ZNF567: variants seen among roughly 807,000 people sequenced by gnomAD.
The protein encoded by ZNF567 is zinc finger protein 567.
Under a neutral mutation model 53.9 loss-of-function variants are expected in ZNF567, and 36 were observed. The observed-to-expected ratio is 0.67, with a 90% CI of 0.51 to 0.88. The LOEUF (loss-of-function observed/expected upper bound fraction) is 0.88. Ranked by LOEUF, ZNF567 falls within the 40% of genes least tolerant of loss-of-function variation. The pLI, the probability that ZNF567 is intolerant of heterozygous loss-of-function variation, is 0.00. For synonymous variants in ZNF567, 224 were observed against 260.4 expected, an observed-to-expected ratio of 0.86 and a Z score of 1.35; for missense variants, 619 against 764.7, an observed-to-expected ratio of 0.81 and a Z score of 2.25.
At chr19:36,699,724 G>T (rs943380959) in intron 3 of ZNF567, among the ~76,000 whole-genome samples, 2 of 152,036 alleles carry the variant, frequency 1.3e-5, no homozygotes, top group Non-Finnish European at 2.9e-5. Context: ...CTCTCTGTTT[G>T]TCTGTTATTG....
chr19:36,727,012 T>TTTCTTTCTTTCTTTCTTTCTTTC (rs1555809313), downstream of ZNF567: 1 of 125,616 alleles, frequency 8.0e-6, no homozygotes. Flanking sequence ...CTTTCTTTCC[T>TTTCTTTCTTTCTTTCTTTCTTTC]TTTTTTTTTT....
the ZNF567 span, among the ~76,000 whole-genome samples, chr19:36,671,847 A>G: frequency 6.6e-6 from 1 of 152,240 alleles, no homozygotes; most frequent in Non-Finnish European, 1.5e-5. Context: ...CATTAAATTG[A>G]GTGTACACAG....
upstream of ZNF567, chr19:36,687,298 C>A: frequency 6.5e-6 from 1 of 153,854 alleles, no homozygotes; most frequent in Non-Finnish European, 1.4e-5. Flanking sequence ...CGCACACCGC[C>A]GCCTTGTCCT....
At chr19:36,726,322 T>C (rs1013399407), downstream of ZNF567, among the ~76,000 whole-genome samples, 1 of 152,246 alleles carries the variant, frequency 6.6e-6, no homozygotes, top group Non-Finnish European at 1.5e-5. Context: ...AATTATTGAA[T>C]TTCCATTGAA....
At chr19:36,712,632 ATGAT>A (rs1722433358) in intron 4 of ZNF567, 120 bp downstream of exon 4, 24 of 1,474,316 alleles carry the variant, frequency 1.6e-5, no homozygotes, top group Admixed American at 3.6e-5. Flanking sequence ...AGCAGAATGA[ATGAT>A]TGTGTCTTCA....
chr19:36,695,161 T>C (rs1251826216), intron 3 of ZNF567, among the ~76,000 whole-genome samples: 1 of 151,444 alleles, frequency 6.6e-6, no homozygotes, highest in Non-Finnish European at 1.5e-5. Context: ...GGCAGGAGAA[T>C]TGCGAGTCCA....
In ZNF567 at chr19:36,720,160, G is replaced by A. The variant is rs1377675332; in HGVS notation, c.1436G>A (p.Cys479Tyr). ...RTHTGEKSYECPHCGKAFRMK... is the reference protein window; with the variant it reads ...RTHTGEKSYEYPHCGKAFRMK... ...CATACAGGGGAGAAATCTTATGAAT[G>A]TCCTCACTGTGGGAAGGCCTTTAGA... Residue 479 changes from cysteine to tyrosine, a missense_variant, in exon 6 of 6, where the codon TGT (cysteine) becomes TAT (tyrosine). Physicochemically the swap from Cys to Tyr is radical, Grantham distance 194. Transcript: ENST00000682579. The A allele has an allele frequency of 1.2e-6, 2 of 1,613,944 alleles. No individual in the cohort carries two copies. Among genetic ancestry groups the A allele is most frequent in the Admixed American group, 1.7e-5 (1 of 59,986 alleles).
chr19:36,726,980 C>CTTTCTCTTTCTTTCT, downstream of ZNF567: 1 of 61,754 alleles, frequency 1.6e-5, no homozygotes, highest in African/African-American at 7.2e-5. Flanking sequence ...TTCTTTCTTT[C>CTTTCTCTTTCTTTCT]TTTTTCTTTC....
In ZNF567 at chr19:36,712,557, T is replaced by G. The variant is rs765385793; in HGVS notation, c.136+45T>G. On this transcript the variant is annotated intron_variant, in intron 4 of 5. Coordinates refer to ENST00000682579, the MANE Select transcript of ZNF567 (RefSeq NM_001322917.1). ...AAACTTTAGTAGCATGCACTTCCTC[T>G]CAAAGTGCCTAATTGTGTATAATCT... 4.3e-6 allele frequency: 7 copies of G among 1,610,164 alleles called. No homozygotes were observed. In the Middle Eastern group the frequency reaches 5.0e-4, roughly 114 times the overall value.
At chr19:36,699,948 TC>T (rs2039087831) in intron 3 of ZNF567, among the ~76,000 whole-genome samples, 1 of 109,770 alleles carries the variant, frequency 9.1e-6, no homozygotes, top group Non-Finnish European at 1.8e-5. Flanking sequence ...GGCCAGAACT[TC>T]CAACACTATG....
At chr19:36,724,855 TAAAA>T (rs879898922), downstream of ZNF567, among the ~76,000 whole-genome samples, 3 of 140,648 alleles carry the variant, frequency 2.1e-5, 1 homozygote, top group Non-Finnish European at 4.7e-5. Context: ...CTCAAAAAAT[TAAAA>T]AAAAAAAAAA....
the ZNF567 span, among the ~76,000 whole-genome samples, chr19:36,671,960 C>A: frequency 1.8e-4 from 27 of 152,376 alleles, no homozygotes; most frequent in South Asian, 1.0e-3. Flanking sequence ...ATCGTCCCCC[C>A]TCTTGCTACA....
upstream of ZNF567, chr19:36,685,708 A>G (rs1370612004): frequency 6.6e-6 from 1 of 152,240 alleles, no homozygotes; most frequent in Non-Finnish European, 1.5e-5. Context: ...TGGTCATTTA[A>G]AAAGTCTAGA....
chr19:36,683,990 C>T (rs1398702112), upstream of ZNF567, among the ~76,000 whole-genome samples: 1 of 152,092 alleles, frequency 6.6e-6, no homozygotes, highest in East Asian at 1.9e-4. Context: ...ACCTCATTCT[C>T]AGCAAAATAT....
chr19:36,705,112 A>G (rs949856725), intron 3 of ZNF567, among the ~76,000 whole-genome samples: 1 of 152,150 alleles, frequency 6.6e-6, no homozygotes, highest in Non-Finnish European at 1.5e-5. Context: ...GGCTACAGGT[A>G]TATCAATGTA....
the ZNF567 span, among the ~76,000 whole-genome samples, chr19:36,667,303 G>C: frequency 6.6e-6 from 1 of 151,930 alleles, no homozygotes; most frequent in African/African-American, 2.4e-5. Flanking sequence ...GGATCACCGA[G>C]ACCAGCCTGA....
At chr19:36,725,625 A>T (rs545418028), downstream of ZNF567, among the ~76,000 whole-genome samples, 2 of 152,202 alleles carry the variant, frequency 1.3e-5, no homozygotes, top group African/African-American at 4.8e-5. Context: ...AAATTTGGTG[A>T]GTTCTTAGCA....
At chr19:36,713,328 G>C (rs2039881670) in intron 5 of ZNF567, among the ~76,000 whole-genome samples, 1 of 151,774 alleles carries the variant, frequency 6.6e-6, no homozygotes, top group Non-Finnish European at 1.5e-5. Flanking sequence ...ATGGTGGTGT[G>C]CACCTTTAGT....
upstream of ZNF567, among the ~76,000 whole-genome samples, chr19:36,683,109 A>G (rs1050745000): frequency 2.0e-5 from 3 of 151,562 alleles, no homozygotes; most frequent in South Asian, 2.1e-4. Context: ...TCTCACTCCA[A>G]CGCTCAGGTT....
Sources: allele counts gnomAD v4.1 joint callset (sites outside exome capture counted in the v4.1 genomes callset), GRCh38; gene constraint gnomAD v4.1.1; transcripts MANE v1.5; gene names NCBI Gene and HGNC (gene_info 2026-07-23, HGNC 2026-07-21).